The following HJURP variants were observed in gnomAD, a reference collection of about 807,000 sequenced individuals.
The protein encoded by HJURP is Holliday junction recognition protein.
HJURP carries 49 observed loss-of-function variants against 72.0 expected under a neutral mutation model. The observed-to-expected ratio is 0.68, with a 90% CI of 0.54 to 0.86. The LOEUF (loss-of-function observed/expected upper bound fraction) is 0.86, where lower values mean the gene tolerates loss of function less well. Among genes scored for constraint, HJURP ranks in the 40% least tolerant of loss-of-function variants. The pLI is 0.00. For synonymous variants in HJURP, 357 were observed against 347.1 expected (o/e 1.03, Z -0.32); for missense variants, 908 against 936.3 (o/e 0.97, Z 0.39).
Position 233,842,034 on chromosome 2 carries a change from G to C in HJURP, c.746C>G (p.Pro249Arg), listed in dbSNP as rs146144352. The change falls in exon 8 of 9, where the codon CCC (proline) becomes CGC (arginine). Residue 249 changes from proline to arginine, a missense_variant. Around this residue, in one of 3 missense-constraint regions of HJURP, gnomAD observed 598 missense variants for 619.5 expected, o/e 0.97. Transcript: ENST00000411486. Reference sequence around the variant, plus strand: ...ATTGCAAATGTCATCATCTTCAAAGGGCTGGCTGCTTAAGAAGCTGCTGCT... The same window carrying C: ...ATTGCAAATGTCATCATCTTCAAAGCGCTGGCTGCTTAAGAAGCTGCTGCT... The part of the protein sequence containing the change: ...TSSSSFLSSQ[P>R]FEDDDICNVT... The C allele has an allele frequency of 1.2e-6, 2 of 1,614,170 alleles. No homozygotes were observed. The highest frequency in any genetic ancestry group is 1.3e-5 in the African/African-American group (1 of 75,020).
intron 7 of HJURP, 89 bp downstream of exon 7, chr2:233,844,116 G>T: frequency 3.4e-6 from 3 of 895,044 alleles, no homozygotes; most frequent in Non-Finnish European, 3.7e-6. Flanking sequence ...TGATGGCGTG[G>T]CCAGTATGAG....
intron 3 of HJURP, among the ~76,000 whole-genome samples, chr2:233,850,690 A>G (rs1705476675): frequency 6.6e-6 from 1 of 152,190 alleles, no homozygotes; most frequent in Non-Finnish European, 1.5e-5. Flanking sequence ...CCACTTCCAG[A>G]ATATCAGAAC....
intron 7 of HJURP, among the ~76,000 whole-genome samples, chr2:233,843,161 T>A (rs7588690): frequency 0.67 from 101,563 of 151,968 alleles, 34,605 homozygotes; most frequent in African/African-American, 0.8. Flanking sequence ...GGGAGATAGC[T>A]CTTTTGAGCA....
In HJURP at chr2:233,840,805, G is replaced by A; in HGVS notation, c.1975C>T (p.Pro659Ser). The A allele has an allele frequency of 1.9e-6, 3 of 1,613,512 alleles. No homozygotes were observed. The highest frequency in any genetic ancestry group is 1.3e-5 in the African/African-American group (1 of 74,888). The change falls in exon 8 of 9, where the codon CCT becomes TCT. Residue 659 changes from proline (P) to serine (S), a missense_variant. By Grantham distance (74) the Pro-to-Ser change is moderately conservative. This residue lies in a region of HJURP where 598 missense variants were observed against 619.5 expected (regional missense o/e 0.97). Coordinates refer to ENST00000411486, the MANE Select transcript of HJURP (RefSeq NM_018410.5). ...GCACGAGCAACACATGTAGATGAAGGAGCCTCAATTGCAGTTGAGCCCAGT... is the reference window on the plus strand; with the variant it reads ...GCACGAGCAACACATGTAGATGAAGAAGCCTCAATTGCAGTTGAGCCCAGT... ...SLLGSTAIEA[P>S]SSTCVARAIT...
At chr2:233,844,305 A>C (rs768605179) in intron 6 of HJURP, 22 bp from the exon 7 acceptor site, 3 of 1,612,114 alleles carry the variant, frequency 1.9e-6, no homozygotes, top group Non-Finnish European at 2.5e-6. Flanking sequence ...GCCAGTGGTT[A>C]CAAGAAAAAA....
rs746133710 is a variant in HJURP, at chr2:233,844,277, C to T, written c.502G>A (p.Gly168Ser). 1.2e-5 allele frequency: 20 copies of T among 1,614,094 alleles called. No homozygotes were observed. The highest frequency in any genetic ancestry group is 1.3e-5 in the Non-Finnish European group (15 of 1,179,950). Residue 168 changes from glycine to serine, a missense_variant, in exon 7 of 9, where the codon GGT becomes AGT. Coordinates refer to ENST00000411486, the MANE Select transcript of HJURP (RefSeq NM_018410.5). ...CGTACATCCCTTCCAGCTCTGTTAC[C>T]TGCACACTGAAATCAGAGCCAGTGG... is the stretch of plus-strand genomic sequence containing the variant. ...LQGAEYFECA[G>S]NRAGRDVRVT...
At position 233,849,785 on chromosome 2, in the gene HJURP, C is replaced by A; in HGVS notation, c.315G>T (p.Ser105=). 2 of 1,553,814 alleles carry A rather than the reference C, an allele frequency of 1.3e-6. No homozygotes were observed. Among genetic ancestry groups the A allele is most frequent in the Non-Finnish European group, 1.7e-6 (2 of 1,148,352 alleles). Residue 105 remains serine, a synonymous_variant, in exon 4 of 9, where the codon TCG becomes TCT. Transcript: ENST00000411486. ...QAAAWGPELP[S]HRTVLGADSK... ...CACCGGCTCCCAGGACTGTGCGGTG[C>A]GAGGGAAGCTCAGGACCCCAGGCTG...
chr2:233,849,153 C>T (rs1173822246), intron 4 of HJURP, among the ~76,000 whole-genome samples: 1 of 152,042 alleles, frequency 6.6e-6, no homozygotes, highest in African/African-American at 2.4e-5. Context: ...TGGCACCAAA[C>T]GGAGCAGGTT....
In HJURP at chr2:233,844,254, T is replaced by C. The variant is rs376883540; in HGVS notation, c.525A>G (p.Val175=). The C allele has an allele frequency of 2.5e-6, 4 of 1,614,080 alleles. No homozygotes were observed. Among genetic ancestry groups the C allele is most frequent in the African/African-American group, 2.7e-5 (2 of 74,932 alleles). ...ECAGNRAGRD[V]RVTPLPSLAS... ...CCAGTGAAGGCAGCGGAGTCACACG[T>C]ACATCCCTTCCAGCTCTGTTACCTG... is the stretch of plus-strand genomic sequence containing the variant. Residue 175 remains valine (V), a synonymous_variant, in exon 7 of 9, where the codon GTA becomes GTG. Transcript: ENST00000411486.
rs148082430 is a variant in HJURP at position 233,841,816 on chromosome 2, C to T, written c.964G>A (p.Glu322Lys). ...GGCTCAGAGCAGGGTATGAAGTTCTCCTTGGAGCTCCTCTGAGAACGTCTG... is the reference window on the plus strand; with the variant it reads ...GGCTCAGAGCAGGGTATGAAGTTCTTCTTGGAGCTCCTCTGAGAACGTCTG... ...GARRSQRSSKENFIPCSEPVK... is the reference protein window; with the variant it reads ...GARRSQRSSKKNFIPCSEPVK... The change falls in exon 8 of 9, where the codon GAG becomes AAG. Residue 322 changes from glutamate to lysine, a missense_variant. Around this residue, in one of 3 missense-constraint regions of HJURP, gnomAD observed 598 missense variants for 619.5 expected, o/e 0.97. Coordinates refer to ENST00000411486, the MANE Select transcript of HJURP (RefSeq NM_018410.5). 4.3e-6 allele frequency: 7 copies of T among 1,614,146 alleles called. No homozygotes were observed. The African/African-American group carries it at 8.0e-5, about 18-fold the overall frequency.
Position 233,847,466 on chromosome 2 carries a change from A to C in HJURP, c.338-5T>G. On this transcript the variant is annotated splice_polypyrimidine_tract_variant and splice_region_variant and intron_variant, in intron 4 of 8. Coordinates refer to ENST00000411486, the MANE Select transcript of HJURP (RefSeq NM_018410.5). ...CGACCTCACCGCTTTTTGAATCTAA[A>C]AGTCAAACAAGTAAATCTCAATCAG... 6.2e-7 allele frequency: 1 copy of C among 1,612,976 alleles called. No homozygotes were observed. Among genetic ancestry groups the C allele is most frequent in the South Asian group, 1.1e-5 (1 of 91,068 alleles).
intron 3 of HJURP, among the ~76,000 whole-genome samples, chr2:233,850,952 G>A (rs1478154052): frequency 6.6e-6 from 1 of 152,230 alleles, no homozygotes; most frequent in African/African-American, 2.4e-5. Flanking sequence ...GCACCAAGTC[G>A]TCTGGGAAAA....
In HJURP at chr2:233,841,751, T is replaced by C; in HGVS notation, c.1029A>G (p.Val343=). The C allele has an allele frequency of 6.2e-7, 1 of 1,614,184 alleles. No homozygotes were observed. Among genetic ancestry groups the C allele is most frequent in the Non-Finnish European group, 8.5e-7 (1 of 1,180,006 alleles). ...CTGTCTTACGGCAAGAAACATCTAATACGTTCTTGCAATCTCTTAATGCCC... is the reference window on the plus strand; with the variant it reads ...CTGTCTTACGGCAAGAAACATCTAACACGTTCTTGCAATCTCTTAATGCCC... The part of the protein sequence containing the change: ...GTGALRDCKN[V]LDVSCRKTGL... Residue 343 remains valine, a synonymous_variant, in exon 8 of 9, where the codon GTA becomes GTG. Coordinates refer to ENST00000411486, the MANE Select transcript of HJURP (RefSeq NM_018410.5).
At position 233,842,185 on chromosome 2, in the gene HJURP, T is replaced by C. The variant is rs3806589; in HGVS notation, c.595A>G (p.Arg199Gly). ...PAPGYCSRIS[R>G]KSPGDPAKPA... ...TTCGCTGGGTCACCAGGACTCTTTC[T>C]GGAGATACGACTGCAGTATCCTGGG... is the stretch of plus-strand genomic sequence containing the variant. Residue 199 changes from arginine (R) to glycine (G), a missense_variant, in exon 8 of 9, where the codon AGA (arginine) becomes GGA (glycine). Around this residue, in one of 3 missense-constraint regions of HJURP, gnomAD observed 299 missense variants for 286.7 expected, o/e 1.04. Transcript: ENST00000411486. 0.62 allele frequency: 993,406 copies of C among 1,610,694 alleles called. 309,446 individuals are homozygous for C. Among genetic ancestry groups the C allele is most frequent in the African/African-American group, 0.8 (60,127 of 74,874 alleles).
At chr2:233,838,168 T>C (rs1705127692) in intron 8 of HJURP, among the ~76,000 whole-genome samples, 1 of 152,218 alleles carries the variant, frequency 6.6e-6, no homozygotes, top group South Asian at 2.1e-4. Context: ...ATCTATCATT[T>C]AAGCGGGAAA....
chr2:233,847,315 G>A (rs1370130277), intron 5 of HJURP, 82 bp downstream of exon 5: 15 of 1,076,418 alleles, frequency 1.4e-5, no homozygotes, highest in South Asian at 6.3e-5. Context: ...AGCGCTGCCC[G>A]CCTCAGGCCA....
At chr2:233,849,711 C>T (rs1017629910) in intron 4 of HJURP, 52 bp downstream of exon 4, 15 of 1,157,844 alleles carry the variant, frequency 1.3e-5, no homozygotes, top group African/African-American at 3.1e-5. Flanking sequence ...GTAACAGGTG[C>T]GTCAGACCTG....
At chr2:233,845,635 G>T (rs1705342961) in intron 6 of HJURP, 93 bp downstream of exon 6, 1 of 772,814 alleles carries the variant, frequency 1.3e-6, no homozygotes, top group Non-Finnish European at 2.1e-6. Context: ...TATGGGTTCT[G>T]TAGAAAAAAC....
chr2:233,852,721 G>T (rs960016907), intron 2 of HJURP, 101 bp from the exon 3 acceptor site: 1 of 839,336 alleles, frequency 1.2e-6, no homozygotes, highest in Non-Finnish European at 2.0e-6. Flanking sequence ...CAAAAAAAAG[G>T]TACAATATTA....
Sources: allele counts gnomAD v4.1 joint callset (sites outside exome capture counted in the v4.1 genomes callset), GRCh38; gene constraint gnomAD v4.1.1; regional missense constraint gnomAD v4.1.1; transcripts MANE v1.5; gene names NCBI Gene and HGNC (gene_info 2026-07-23, HGNC 2026-07-21).